Variants in OCSTAMP observed in about 807,000 individuals in gnomAD.
The protein encoded by OCSTAMP is osteoclast stimulatory transmembrane protein.
A neutral mutation model predicts 25.2 loss-of-function variants in OCSTAMP; 17 were observed. The observed-to-expected ratio is 0.68, with a 90% confidence interval of 0.46 to 1.01. The LOEUF is 1.01. Ranked by LOEUF, OCSTAMP falls within the 50% of genes least tolerant of loss-of-function variation. The pLI, the probability that OCSTAMP is intolerant of heterozygous loss-of-function variation, is 0.00. For synonymous variants in OCSTAMP, 345 were observed against 318.9 expected (o/e 1.08, Z -0.87); for missense variants, 664 against 694.6 (o/e 0.96, Z 0.50).
chr20:46,550,364 T>C (rs1287731259), intron 1 of OCSTAMP, among the ~76,000 whole-genome samples, 153 bp downstream of exon 1: 1 of 152,176 alleles, frequency 6.6e-6, no homozygotes, highest in African/African-American at 2.4e-5. Context: ...ATTTCACAGA[T>C]GGGGAACTGA....
chr20:46,541,843 A>G lies in OCSTAMP; in HGVS notation c.1132T>C (p.Tyr378His), dbSNP rs2061835715. Residue 378 changes from tyrosine (Y) to histidine (H), a missense_variant, in exon 3 of 3, where the codon TAC becomes CAC. Tyr to His is a moderately conservative substitution (Grantham distance 83). Transcript: ENST00000279028. ...ESPFLSVHSS[Y>H]QWELRLTSAR... ...GAGGTGAGGCGGAGCTCCCATTGGT[A>G]GGAGCTGTGGACGGAGAGGAAGGGG... The G allele has an allele frequency of 4.7e-6, 7 of 1,475,472 alleles. No individual in the cohort carries two copies. The East Asian group carries it at 1.7e-4, about 37-fold the overall frequency. 91.4% of individuals were successfully genotyped at this position (1,475,472 alleles called of 1,614,324 possible).
At position 46,545,636 on chromosome 20, in the gene OCSTAMP, A is replaced by G. The variant is rs1483165894; in HGVS notation, c.738T>C (p.His246=). 4.5e-6 allele frequency: 7 copies of G among 1,551,656 alleles called. No homozygotes were observed. Among genetic ancestry groups the G allele is most frequent in the Non-Finnish European group, 6.1e-6 (7 of 1,146,982 alleles). The stretch of plus-strand genomic sequence containing the variant: ...CAAACCGCAGGTCTGTCAGGTAGCA[A>G]TGGAGGTACCATGCCGACTCCACCA... ...GLLVESAWYL[H]CYLTDLRFDN... Residue 246 remains histidine (H), a synonymous_variant, in exon 2 of 3, where the codon CAT becomes CAC. Coordinates refer to ENST00000279028, the MANE Select transcript of OCSTAMP (RefSeq NM_080721.3).
At chr20:46,543,870 A>G (rs751734774) in intron 2 of OCSTAMP, among the ~76,000 whole-genome samples, 1 of 152,188 alleles carries the variant, frequency 6.6e-6, no homozygotes, top group Non-Finnish European at 1.5e-5. Flanking sequence ...GAACATGCTT[A>G]GAACATTGCC....
At chr20:46,550,466 C>T in intron 1 of OCSTAMP, 51 bp downstream of exon 1, 2 of 1,511,702 alleles carry the variant, frequency 1.3e-6, no homozygotes, top group East Asian at 2.5e-5. Flanking sequence ...CCCCCAATGG[C>T]TGACTGTTTT....
At chr20:46,548,939 G>A (rs528815837) in intron 1 of OCSTAMP, among the ~76,000 whole-genome samples, 19 of 152,320 alleles carry the variant, frequency 1.2e-4, no homozygotes, top group African/African-American at 4.6e-4. Flanking sequence ...CTGGTAGGAA[G>A]ATGCCTCAAG....
chr20:46,543,329 T>TCTTC (rs1190617601), intron 2 of OCSTAMP, among the ~76,000 whole-genome samples: 3 of 148,534 alleles, frequency 2.0e-5, no homozygotes, highest in Non-Finnish European at 3.0e-5. Context: ...TTTCTTTCTT[T>TCTTC]CTTCGTTTCT....
rs1395959874 is a variant in OCSTAMP at position 46,546,021 on chromosome 20, C to T, written c.353G>A (p.Gly118Asp). Residue 118 changes from glycine (G) to aspartate (D), a missense_variant, in exon 2 of 3, where the codon GGC becomes GAC. By Grantham distance (94) the Gly-to-Asp change is moderately conservative. Transcript: ENST00000279028. The part of the protein sequence containing the change: ...LSVPTLGMEQ[G>D]RRLLLSYSTA... The stretch of plus-strand genomic sequence containing the variant: ...GCTGTAGGACAGGAGCAGCCGGCGG[C>T]CCTGCTCCATACCCAGGGTGGGCAC... 1 of 1,551,286 alleles carries T rather than the reference C, an allele frequency of 6.4e-7. No individual in the cohort carries two copies. The highest frequency in any genetic ancestry group is 1.4e-5 in the African/African-American group (1 of 73,060).
At chr20:46,543,067 G>T (rs1700565395) in intron 2 of OCSTAMP, among the ~76,000 whole-genome samples, 1 of 152,096 alleles carries the variant, frequency 6.6e-6, no homozygotes, top group Admixed American at 6.5e-5. Flanking sequence ...AAGCCTCAGA[G>T]ACTGACTCCT....
intron 1 of OCSTAMP, among the ~76,000 whole-genome samples, chr20:46,546,663 T>C (rs576521545): frequency 3.3e-5 from 5 of 152,192 alleles, no homozygotes; most frequent in African/African-American, 9.6e-5. Flanking sequence ...GAAAGAGTCA[T>C]GGAGCGAGAA....
In OCSTAMP at chr20:46,541,025, G is replaced by A. The variant is rs117159953; in HGVS notation, c.*249C>T. On this transcript the variant is annotated 3_prime_UTR_variant, in exon 3 of 3. Coordinates refer to ENST00000279028, the MANE Select transcript of OCSTAMP (RefSeq NM_080721.3). ...AAGGAATTTGAGGCAGAGGAATAACGTAATCTAAGATTTAATAAATACGTT... is the reference window on the plus strand; with the variant it reads ...AAGGAATTTGAGGCAGAGGAATAACATAATCTAAGATTTAATAAATACGTT... 2,708 of 418,490 alleles carry A rather than the reference G, an allele frequency of 6.5e-3. 78 individuals are homozygous for A. The highest frequency in any genetic ancestry group is 0.059 in the East Asian group (1,624 of 27,502). The allele number at this position is 418,490 out of a possible 1,614,324, so 25.9% of individuals were successfully genotyped here. A position where few individuals can be genotyped will look rare whatever the true frequency, so the allele number is the denominator to read the frequency against.
chr20:46,545,021 T>G (rs942044408), intron 2 of OCSTAMP, among the ~76,000 whole-genome samples: 2 of 152,248 alleles, frequency 1.3e-5, no homozygotes, highest in Non-Finnish European at 2.9e-5. Context: ...ATTCAATTTG[T>G]ACAAATGTGG....
At chr20:46,546,379 G>A (rs1276174945) in intron 1 of OCSTAMP, 50 bp from the exon 2 acceptor site, 3 of 1,450,700 alleles carry the variant, frequency 2.1e-6, no homozygotes, top group Non-Finnish European at 2.8e-6. Context: ...TGGGTGGGTG[G>A]GTGTCTGTCC....
At chr20:46,544,518 G>A (rs1462575096) in intron 2 of OCSTAMP, among the ~76,000 whole-genome samples, 4 of 152,144 alleles carry the variant, frequency 2.6e-5, no homozygotes, top group Non-Finnish European at 5.9e-5. Context: ...TTATGCAATG[G>A]ACTTTTGTGT....
chr20:46,544,712 T>G lies in OCSTAMP; in HGVS notation c.1047+615A>C, dbSNP rs546256499. On this transcript the variant is annotated intron_variant, in intron 2 of 2. Transcript: ENST00000279028. Reference sequence around the variant, plus strand: ...GACATACAGTCTCTGTTGCAATTACTCAACTTTGCCTTTGTAGGGCAGCCA... The same window carrying G: ...GACATACAGTCTCTGTTGCAATTACGCAACTTTGCCTTTGTAGGGCAGCCA... Among the ~76,000 whole-genome samples the G allele has an allele frequency of 2.4e-4, 37 of 152,374 alleles. 2 individuals are homozygous for G. The highest frequency in any genetic ancestry group is 1.7e-3 in the South Asian group (8 of 4,832).
rs776886508 is a variant in OCSTAMP at position 46,546,115 on chromosome 20, C to T, written c.259G>A (p.Val87Ile). The change falls in exon 2 of 3, where the codon GTC becomes ATC. Residue 87 changes from valine to isoleucine, a missense_variant. Coordinates refer to ENST00000279028, the MANE Select transcript of OCSTAMP (RefSeq NM_080721.3). ...CTCAGGAAGACCAGGAGGCCACAGA[C>T]AGTGGCAACCATGGCTGAAGGTCCA... ...PPGPSAMVATVCGLLVFLSLG... is the reference protein window; with the variant it reads ...PPGPSAMVATICGLLVFLSLG... The T allele has an allele frequency of 1.1e-5, 17 of 1,551,794 alleles. No individual in the cohort carries two copies. The highest frequency in any genetic ancestry group is 1.7e-4 in the Middle Eastern group (1 of 5,988).
Position 46,546,286 on chromosome 20 carries a change from G to A in OCSTAMP, c.88C>T (p.Leu30=), listed in dbSNP as rs1175538675. The A allele has an allele frequency of 6.5e-7, 1 of 1,550,086 alleles. No individual in the cohort carries two copies. The highest frequency in any genetic ancestry group is 8.7e-7 in the Non-Finnish European group (1 of 1,146,912). The stretch of plus-strand genomic sequence containing the variant: ...GAGAAGGCGTCCCAGGCAGCCTGCA[G>A]TGGGGCAAGGGCCTTCCAGAACCCC... The part of the protein sequence containing the change: ...HLGFWKALAP[L]QAAWDAFSQP... Residue 30 remains leucine, a synonymous_variant, in exon 2 of 3, where the codon CTG becomes TTG. Coordinates refer to ENST00000279028, the MANE Select transcript of OCSTAMP (RefSeq NM_080721.3).
chr20:46,546,430 C>T, intron 1 of OCSTAMP, 101 bp from the exon 2 acceptor site: 2 of 1,027,236 alleles, frequency 1.9e-6, no homozygotes, highest in Non-Finnish European at 2.8e-6. Context: ...GCTCTGCTAA[C>T]AGACTCCACC....
At position 46,550,621 on chromosome 20, in the gene OCSTAMP, G is replaced by T; in HGVS notation, c.-61C>A. On this transcript the variant is annotated 5_prime_UTR_variant, in exon 1 of 3. Transcript: ENST00000279028. ...GCTGGCAGCTGTGGCAGGTGGAGAG[G>T]AAGTGGGGGAATCGCTGGGACTTGG... 1 of 1,467,792 alleles carries T rather than the reference G, an allele frequency of 6.8e-7. No individual in the cohort carries two copies. The highest frequency in any genetic ancestry group is 9.3e-7 in the Non-Finnish European group (1 of 1,071,096). 90.9% of individuals were successfully genotyped at this position (1,467,792 alleles called of 1,614,324 possible). A position where few individuals can be genotyped will look rare whatever the true frequency, so the allele number is the denominator to read the frequency against.
chr20:46,549,754 C>A (rs925223553), intron 1 of OCSTAMP, among the ~76,000 whole-genome samples: 2 of 132,776 alleles, frequency 1.5e-5, no homozygotes, highest in Admixed American at 1.6e-4. Context: ...AAGGTCACAA[C>A]CTTGAAGCCC....
Sources: allele counts gnomAD v4.1 joint callset (sites outside exome capture counted in the v4.1 genomes callset), GRCh38; gene constraint gnomAD v4.1.1; transcripts MANE v1.5; gene names NCBI Gene and HGNC (gene_info 2026-07-23, HGNC 2026-07-21).